ME2: variants seen among roughly 807,000 people sequenced by gnomAD.
ME2 encodes malic enzyme 2, also known as NAD-dependent malic enzyme, mitochondrial.
Under a neutral mutation model 73.7 loss-of-function variants are expected in ME2, and 60 were observed. The observed-to-expected ratio is 0.81, with a 90% CI of 0.66 to 1.01. ME2 has a LOEUF of 1.01. Among genes scored for constraint, ME2 ranks in the 50% least tolerant of loss-of-function variants. The pLI is 0.00. For synonymous variants in ME2, 199 were observed against 236.9 expected, an observed-to-expected ratio of 0.84 and a Z score of 1.47; for missense variants, 594 against 705.5, an observed-to-expected ratio of 0.84 and a Z score of 1.79.
Position 50,947,215 on chromosome 18 carries a change from T to C in ME2, c.*31T>C, listed in dbSNP as rs1186515256. On this transcript the variant is annotated 3_prime_UTR_variant, in exon 16 of 16. Transcript: ENST00000321341. ...CTCCCCTGATAAATACTTTCTGTGC[T>C]CCAGGGAACCCCTTTTTTCAGACAA... 2 of 1,595,004 alleles carry C rather than the reference T, an allele frequency of 1.3e-6. No homozygotes were observed. Among genetic ancestry groups the C allele is most frequent in the Non-Finnish European group, 1.7e-6 (2 of 1,170,520 alleles).
intron 13 of ME2, chr18:50,934,546 G>A (rs1183070444): frequency 6.6e-6 from 1 of 152,142 alleles, no homozygotes; most frequent in Non-Finnish European, 1.5e-5. Flanking sequence ...TAGTCAGGAG[G>A]CTGAGATGGA....
At chr18:50,911,389 G>A (rs1452847765) in intron 3 of ME2, among the ~76,000 whole-genome samples, 1 of 152,110 alleles carries the variant, frequency 6.6e-6, no homozygotes, top group Admixed American at 6.6e-5. Flanking sequence ...CCAGTTATAT[G>A]CCACATATTG....
intron 2 of ME2, among the ~76,000 whole-genome samples, chr18:50,905,314 T>A (rs1336838682): frequency 6.6e-6 from 1 of 152,226 alleles, no homozygotes; most frequent in Non-Finnish European, 1.5e-5. Context: ...TTTTTCTTTC[T>A]ATCTTAGACT....
At chr18:50,885,676 A>G (rs890700495) in intron 1 of ME2, among the ~76,000 whole-genome samples, 7 of 152,030 alleles carry the variant, frequency 4.6e-5, no homozygotes, top group African/African-American at 1.4e-4. Flanking sequence ...TGGTATATAT[A>G]TATATTTTTA....
chr18:50,922,995 T>C (rs1025208902), intron 10 of ME2, among the ~76,000 whole-genome samples: 5 of 152,250 alleles, frequency 3.3e-5, no homozygotes, highest in African/African-American at 1.2e-4. Flanking sequence ...GCATTCAGTA[T>C]GTTTTTGTCT....
At chr18:50,902,055 G>T (rs1193302060) in intron 2 of ME2, among the ~76,000 whole-genome samples, 1 of 152,046 alleles carries the variant, frequency 6.6e-6, no homozygotes, top group African/African-American at 2.4e-5. Flanking sequence ...TATCCTAATG[G>T]ACTCTATTTA....
intron 1 of ME2, among the ~76,000 whole-genome samples, chr18:50,885,603 C>T (rs1916443381): frequency 6.6e-6 from 1 of 151,600 alleles, no homozygotes; most frequent in Admixed American, 6.6e-5. Flanking sequence ...AGAGTATCAA[C>T]CATCCCAATT....
At chr18:50,911,263 G>T (rs1235756791) in intron 3 of ME2, among the ~76,000 whole-genome samples, 3 of 152,166 alleles carry the variant, frequency 2.0e-5, no homozygotes, top group Non-Finnish European at 4.4e-5. Context: ...ATACTGCAGA[G>T]AAGTCTTCTT....
Position 50,950,237 on chromosome 18 carries a change from C to T in ME2, c.*3053C>T, listed in dbSNP as rs1266746630. On this transcript the variant is annotated 3_prime_UTR_variant, in exon 16 of 16. Transcript: ENST00000321341. Reference sequence around the variant, plus strand: ...TATTTTAAAATTTTTTGATTCATAACCAAGAAGTTGCCTCAGATCACTGTG... The same window carrying T: ...TATTTTAAAATTTTTTGATTCATAATCAAGAAGTTGCCTCAGATCACTGTG... The T allele has an allele frequency of 6.6e-6, 1 of 152,106 alleles. No homozygotes were observed. Among genetic ancestry groups the T allele is most frequent in the Non-Finnish European group, 1.5e-5 (1 of 68,032 alleles). 9.4% of individuals were successfully genotyped at this position (152,106 alleles called of 1,614,324 possible).
chr18:50,896,797 G>A (rs1916757334), intron 2 of ME2, among the ~76,000 whole-genome samples: 1 of 152,184 alleles, frequency 6.6e-6, no homozygotes, highest in Non-Finnish European at 1.5e-5. Context: ...GATAAGTTTT[G>A]AGGGGTTTCA....
intron 15 of ME2, chr18:50,945,308 G>A (rs1918057827): frequency 6.6e-6 from 1 of 152,162 alleles, no homozygotes; most frequent in African/African-American, 2.4e-5. Flanking sequence ...AGTAGAGACA[G>A]GGTTTCACCA....
intron 15 of ME2, among the ~76,000 whole-genome samples, chr18:50,944,762 A>G (rs1471059239): frequency 1.3e-5 from 2 of 151,792 alleles, no homozygotes; most frequent in African/African-American, 4.8e-5. Flanking sequence ...CCACTGCCTC[A>G]TTCTCCCTCC....
At chr18:50,931,956 T>A (rs1468398074) in intron 12 of ME2, among the ~76,000 whole-genome samples, 1 of 152,198 alleles carries the variant, frequency 6.6e-6, no homozygotes, top group Non-Finnish European at 1.5e-5. Flanking sequence ...GTGCTGGGAC[T>A]GCAGGTGTAA....
At chr18:50,879,533 C>A (rs920708153) in intron 1 of ME2, among the ~76,000 whole-genome samples, 1 of 152,314 alleles carries the variant, frequency 6.6e-6, no homozygotes, top group Non-Finnish European at 1.5e-5. Context: ...CAGGTTCCAG[C>A]GGCCGCGGCT....
rs575911386 is a variant in ME2 at position 50,938,670 on chromosome 18, G to A, written c.1418-900G>A. On this transcript the variant is annotated intron_variant, in intron 13 of 15. Transcript: ENST00000321341. ...CTAGGAAAAGTTGTATTTGGGAAAT[G>A]GAATCAACTTAGAAAGAAGCAAAGA... Among the ~76,000 whole-genome samples, 6 of 152,248 alleles carry A rather than the reference G, an allele frequency of 3.9e-5. No individual in the cohort carries two copies. The South Asian group carries it at 1.0e-3, about 26-fold the overall frequency.
At chr18:50,885,774 A>G (rs1053991751) in intron 1 of ME2, among the ~76,000 whole-genome samples, 3 of 152,254 alleles carry the variant, frequency 2.0e-5, no homozygotes, top group East Asian at 1.9e-4. Context: ...TATAATTTGT[A>G]CTTTTAGAGC....
intron 3 of ME2, among the ~76,000 whole-genome samples, chr18:50,911,617 CA>C (rs762916897): frequency 2.0e-5 from 3 of 152,088 alleles, no homozygotes; most frequent in Admixed American, 6.5e-5. Flanking sequence ...GAGAGCACGC[CA>C]CCTGAGCTGC....
At chr18:50,921,276 C>T (rs1160065610) in intron 10 of ME2, 89 bp downstream of exon 10, 2 of 630,632 alleles carry the variant, frequency 3.2e-6, no homozygotes, top group Non-Finnish European at 5.2e-6. Context: ...TCTTGTTTCT[C>T]ATTGGAGTCT....
chr18:50,947,462 T>C lies in ME2; in HGVS notation c.*278T>C. The C allele has an allele frequency of 8.8e-6, 3 of 340,648 alleles. No homozygotes were observed. The highest frequency in any genetic ancestry group is 1.1e-5 in the Non-Finnish European group (2 of 188,056). 21.1% of individuals were successfully genotyped at this position (340,648 alleles called of 1,614,324 possible). ...GATGTAAAAAGTGTGTTTGTGAATG[T>C]CTTCACTTGTACTCTAATTCAGACT... On this transcript the variant is annotated 3_prime_UTR_variant, in exon 16 of 16. Transcript: ENST00000321341.
Sources: allele counts gnomAD v4.1 joint callset (sites outside exome capture counted in the v4.1 genomes callset), GRCh38; gene constraint gnomAD v4.1.1; transcripts MANE v1.5; gene names NCBI Gene and HGNC (gene_info 2026-07-23, HGNC 2026-07-21).